Variants in ADAMTSL1 observed in about 807,000 individuals in gnomAD.
ADAMTSL1 encodes ADAMTS-like protein 1.
In ADAMTSL1, 126 loss-of-function variants were observed where a neutral mutation model predicts 201.8. The ratio of observed to expected loss-of-function variants is 0.62; its 90% CI spans 0.54 to 0.72. The LOEUF (loss-of-function observed/expected upper bound fraction) is 0.72. Among genes scored for constraint, ADAMTSL1 ranks in the 30% least tolerant of loss-of-function variants. The pLI is 0.00. For synonymous variants in ADAMTSL1, 1,121 were observed against 903.4 expected (o/e 1.24, Z -4.32); for missense variants, 2,679 against 2,277.8 (o/e 1.18, Z -3.59).
intron 2 of ADAMTSL1, among the ~76,000 whole-genome samples, chr9:18,346,345 A>C (rs1391702113): frequency 4.6e-5 from 7 of 152,102 alleles, no homozygotes; most frequent in African/African-American, 7.2e-5. Context: ...TTCTCAGAGC[A>C]GGGTTGGATG....
At chr9:18,232,692 A>G (rs541847029) in intron 2 of ADAMTSL1, among the ~76,000 whole-genome samples, 1 of 152,126 alleles carries the variant, frequency 6.6e-6, no homozygotes, top group African/African-American at 2.4e-5. Flanking sequence ...GCTCTGAATC[A>G]TTCTGACAAA....
chr9:18,199,702 G>A (rs73424957), intron 2 of ADAMTSL1, among the ~76,000 whole-genome samples: 8,830 of 152,068 alleles, frequency 0.058, 303 homozygotes, highest in Middle Eastern at 0.11. Flanking sequence ...ATATATTTGA[G>A]TTTTTTATTT....
At chr9:18,402,951 A>C (rs148610332) in intron 2 of ADAMTSL1, among the ~76,000 whole-genome samples, 1 of 152,108 alleles carries the variant, frequency 6.6e-6, no homozygotes, top group African/African-American at 2.4e-5. Flanking sequence ...TCCTCACAGA[A>C]TCTTATGAGG....
chr9:18,405,823 G>A (rs1038448080), intron 2 of ADAMTSL1, among the ~76,000 whole-genome samples: 1 of 152,074 alleles, frequency 6.6e-6, no homozygotes, highest in African/African-American at 2.4e-5. Flanking sequence ...AATCTTGTGG[G>A]TATTCTTCTT....
At chr9:18,234,782 A>G (rs1439495847) in intron 2 of ADAMTSL1, among the ~76,000 whole-genome samples, 1 of 152,238 alleles carries the variant, frequency 6.6e-6, no homozygotes, top group Non-Finnish European at 1.5e-5. Flanking sequence ...TTTCAGAACC[A>G]GATTTGTCCT....
chr9:18,264,508 G>C (rs1440419388), intron 2 of ADAMTSL1, among the ~76,000 whole-genome samples: 1 of 152,156 alleles, frequency 6.6e-6, no homozygotes, highest in Non-Finnish European at 1.5e-5. Context: ...CCACAGATGG[G>C]ATATGGAAGA....
At chr9:18,677,401 C>A (rs1453481114) in intron 10 of ADAMTSL1, among the ~76,000 whole-genome samples, 3 of 151,952 alleles carry the variant, frequency 2.0e-5, no homozygotes, top group East Asian at 1.9e-4. Flanking sequence ...ATGAAAATAG[C>A]AAATGATTAA....
intron 1 of ADAMTSL1, among the ~76,000 whole-genome samples, chr9:18,107,033 A>G (rs1279949529): frequency 6.6e-6 from 1 of 151,978 alleles, no homozygotes; most frequent in Non-Finnish European, 1.5e-5. Flanking sequence ...TCTTCAAGCC[A>G]CTCTGGGAAT....
rs187579722 is a variant in ADAMTSL1, at chr9:18,068,088, C to T, written c.88-95774C>T. 1.2e-3 allele frequency among the ~76,000 whole-genome samples: 176 copies of T among 152,176 alleles called. 2 individuals are homozygous for T. The highest frequency in any genetic ancestry group is 0.01 in the Admixed American group (155 of 15,282). On this transcript the variant is annotated intron_variant, in intron 1 of 29. Transcript: ENST00000680146. ...TGAAGTGGTTTGGTCTGGTCCTGCC[C>T]GGAGGCATAGTGATGGGGTGTATTG...
intron 1 of ADAMTSL1, among the ~76,000 whole-genome samples, chr9:17,963,895 C>T (rs1345104684): frequency 2.0e-5 from 3 of 152,108 alleles, no homozygotes; most frequent in African/African-American, 7.2e-5. Flanking sequence ...CAGCTGGAAT[C>T]GTCCTGCTGG....
chr9:17,930,266 A>G (rs1826724357), intron 1 of ADAMTSL1, among the ~76,000 whole-genome samples: 1 of 152,104 alleles, frequency 6.6e-6, no homozygotes, highest in South Asian at 2.1e-4. Flanking sequence ...TGCCGTCTTT[A>G]ACACATAGCT....
At chr9:18,506,274 G>C (rs1817647791) in intron 2 of ADAMTSL1, among the ~76,000 whole-genome samples, 1 of 152,184 alleles carries the variant, frequency 6.6e-6, no homozygotes, top group Non-Finnish European at 1.5e-5. Flanking sequence ...AATCTGCAAT[G>C]TATGCTGCCA....
chr9:18,497,497 T>G (rs1430289807), intron 1 of ADAMTSL1, among the ~76,000 whole-genome samples: 1 of 152,176 alleles, frequency 6.6e-6, no homozygotes, highest in African/African-American at 2.4e-5. Flanking sequence ...TCTCCTTTAG[T>G]CTTCCAAATT....
intron 4 of ADAMTSL1, among the ~76,000 whole-genome samples, chr9:18,591,635 T>G (rs1195186166): frequency 6.6e-6 from 1 of 152,182 alleles, no homozygotes; most frequent in African/African-American, 2.4e-5. Context: ...GATTTTTCTC[T>G]AATATTAGGT....
At chr9:18,888,089 C>G in intron 24 of ADAMTSL1, 46 bp downstream of exon 24, 1 of 1,568,978 alleles carries the variant, frequency 6.4e-7, no homozygotes, top group African/African-American at 1.4e-5. Flanking sequence ...AACAAGAAAG[C>G]CCACTTGGGA....
At chr9:18,023,597 G>A (rs1202896243) in intron 1 of ADAMTSL1, among the ~76,000 whole-genome samples, 1 of 152,112 alleles carries the variant, frequency 6.6e-6, no homozygotes, top group African/African-American at 2.4e-5. Flanking sequence ...CAGAGTAGCT[G>A]CTGGCTTTGG....
At chr9:18,708,190 A>G (rs993090512) in intron 14 of ADAMTSL1, among the ~76,000 whole-genome samples, 40 of 152,246 alleles carry the variant, frequency 2.6e-4, no homozygotes, top group Admixed American at 2.6e-3. Context: ...ATCTTTTGTC[A>G]TGATTGAGAA....
At chr9:18,058,109 A>C (rs1822278957) in intron 1 of ADAMTSL1, among the ~76,000 whole-genome samples, 1 of 152,256 alleles carries the variant, frequency 6.6e-6, no homozygotes, top group Admixed American at 6.5e-5. Flanking sequence ...GAGTGGATAG[A>C]TGGAAGAATG....
intron 2 of ADAMTSL1, among the ~76,000 whole-genome samples, chr9:18,437,263 T>C (rs1415912855): frequency 2.0e-5 from 3 of 152,114 alleles, no homozygotes; most frequent in African/African-American, 7.2e-5. Context: ...AGCAGTCTTC[T>C]CTCCATGTCC....
Sources: gnomAD v4.1 joint callset for allele counts (sites outside exome capture counted in the v4.1 genomes callset) on GRCh38, gnomAD v4.1.1 for gene constraint, MANE v1.5 for transcripts, NCBI Gene and HGNC (gene_info 2026-07-23, HGNC 2026-07-21) for gene names.